PSMG2: variants seen among roughly 807,000 people sequenced by gnomAD.
PSMG2 encodes the protein CD40 ligand-activated specific transcript 3.
A neutral mutation model predicts 31.5 loss-of-function variants in PSMG2; 21 were observed. The ratio of observed to expected loss-of-function variants is 0.67; its 90% CI spans 0.47 to 0.96. PSMG2 has a LOEUF of 0.96. Ranked by LOEUF, PSMG2 falls within the 40% of genes least tolerant of loss-of-function variation. PSMG2 has a pLI of 0.00. For missense variants in PSMG2, 318 were observed against 321.2 expected, an observed-to-expected ratio of 0.99 and a Z score of 0.08; for synonymous variants, 120 against 110.4, an observed-to-expected ratio of 1.09 and a Z score of -0.54.
rs769845214 is a variant in PSMG2, at chr18:12,703,149, C to T, written c.42C>T (p.Gly14=). The change falls in exon 1 of 7, where the codon GGC becomes GGT. Residue 14 remains glycine, a synonymous_variant. Coordinates refer to ENST00000317615, the MANE Select transcript of PSMG2 (RefSeq NM_020232.5). ...PCGESAPDLA[G]FTLLMPAVSV... ...GGGAGTCGGCCCCCGACCTTGCCGG[C>T]TTCACCCTCCTAATGGTGAGTCTCC... The T allele has an allele frequency of 1.9e-6, 3 of 1,611,588 alleles. No individual in the cohort carries two copies. The highest frequency in any genetic ancestry group is 1.3e-5 in the African/African-American group (1 of 75,014).
Position 12,718,570 on chromosome 18 carries a change from C to T in PSMG2, c.342C>T (p.Gly114=). ...EKLLSWVKSS[G]CARVIVLSSS... is the part of the protein sequence containing the mutation. ...TGCTTTCCTGGGTGAAAAGCAGTGG[C>T]TGTGCCAGAGTCATTGTTCTTTCAA... is the stretch of plus-strand genomic sequence containing the variant. Residue 114 remains glycine, a synonymous_variant, in exon 4 of 7, where the codon GGC becomes GGT. Transcript: ENST00000317615. 1 of 1,612,176 alleles carries T rather than the reference C, an allele frequency of 6.2e-7. No individual in the cohort carries two copies. Among genetic ancestry groups the T allele is most frequent in the South Asian group, 1.1e-5 (1 of 90,816 alleles).
At chr18:12,691,202 T>C (rs1360290869) in intron 1 of PSMG2, 10 of 494,476 alleles carry the variant, frequency 2.0e-5, no homozygotes. Context: ...CCACTCACTA[T>C]GCAGTGAAAG....
upstream of PSMG2, chr18:12,699,133 C>G: frequency 6.2e-7 from 1 of 1,613,992 alleles, no homozygotes; most frequent in Non-Finnish European, 8.5e-7. Flanking sequence ...CAGGTTCTTG[C>G]AGATGTTCCA....
chr18:12,712,527 T>C (rs1020644013), intron 2 of PSMG2, among the ~76,000 whole-genome samples, 175 bp from the exon 3 acceptor site: 3 of 152,230 alleles, frequency 2.0e-5, no homozygotes, highest in Non-Finnish European at 2.9e-5. Flanking sequence ...ACTGGCTTAT[T>C]TTAAGGTACT....
At chr18:12,718,373 C>T in intron 3 of PSMG2, 144 bp from the exon 4 acceptor site, 1 of 452,444 alleles carries the variant, frequency 2.2e-6, no homozygotes, top group East Asian at 3.2e-5. Flanking sequence ...GGTTTAAGCA[C>T]AGTAAGTGGA....
chr18:12,696,436 G>A (rs2039960758), intron 1 of PSMG2, among the ~76,000 whole-genome samples: 1 of 152,162 alleles, frequency 6.6e-6, no homozygotes, highest in South Asian at 2.1e-4. Flanking sequence ...CCAGGAGGCG[G>A]GGGTTGCAGT....
chr18:12,674,891 T>C, intron 1 of PSMG2: 4 of 518,490 alleles, frequency 7.7e-6, no homozygotes, highest in Non-Finnish European at 1.3e-5. Context: ...TAATAATAAT[T>C]ATAGGGATAC....
At chr18:12,719,331 T>A (rs1180300680) in intron 4 of PSMG2, among the ~76,000 whole-genome samples, 1 of 152,242 alleles carries the variant, frequency 6.6e-6, no homozygotes, top group Non-Finnish European at 1.5e-5. Flanking sequence ...AAGCTATCAT[T>A]ACCACATAAA....
chr18:12,715,029 G>A, intron 3 of PSMG2, among the ~76,000 whole-genome samples: 1 of 149,832 alleles, frequency 6.7e-6, no homozygotes, highest in East Asian at 2.0e-4. Flanking sequence ...TTTTTTTGAG[G>A]CAGAGTTTTA....
intron 2 of PSMG2, among the ~76,000 whole-genome samples, chr18:12,710,668 G>A (rs1249439811): frequency 6.6e-6 from 1 of 152,110 alleles, no homozygotes; most frequent in African/African-American, 2.4e-5. Flanking sequence ...TGTGTTTTCT[G>A]TAACTGGAGT....
Position 12,725,619 on chromosome 18 carries a change from G to T in PSMG2, c.*88G>T, listed in dbSNP as rs904081890. On this transcript the variant is annotated 3_prime_UTR_variant, in exon 7 of 7. Coordinates refer to ENST00000317615, the MANE Select transcript of PSMG2 (RefSeq NM_020232.5). ...CTATACAAAAAAATTGTATGATCTG[G>T]TATTAGGAAATTACTTTCACAGTAA... 2.6e-5 allele frequency: 24 copies of T among 914,738 alleles called. No individual in the cohort carries two copies. Among genetic ancestry groups the T allele is most frequent in the African/African-American group, 3.5e-5 (2 of 57,768 alleles). 56.7% of individuals were successfully genotyped at this position (914,738 alleles called of 1,614,324 possible). A position where few individuals can be genotyped will look rare whatever the true frequency, so the allele number is the denominator to read the frequency against.
At chr18:12,720,133 T>G (rs960442159) in intron 4 of PSMG2, among the ~76,000 whole-genome samples, 2 of 152,190 alleles carry the variant, frequency 1.3e-5, no homozygotes, top group Non-Finnish European at 2.9e-5. Flanking sequence ...TGTAACTGTT[T>G]TAGATGATGT....
At chr18:12,708,037 T>G (rs990451441) in intron 2 of PSMG2, among the ~76,000 whole-genome samples, 5 of 152,066 alleles carry the variant, frequency 3.3e-5, no homozygotes, top group Non-Finnish European at 5.9e-5. Flanking sequence ...ATCCCAACAC[T>G]TTGAGAGGCT....
chr18:12,724,483 T>C lies in PSMG2; in HGVS notation c.582-16T>C, dbSNP rs199868112. ...CCCTATGAAAGAATACTGATTCTTA[T>C]TTTTATTTCTTGTAGCTGTTCTAAA... On this transcript the variant is annotated splice_polypyrimidine_tract_variant and intron_variant, in intron 5 of 6. Coordinates refer to ENST00000317615, the MANE Select transcript of PSMG2 (RefSeq NM_020232.5). The C allele has an allele frequency of 6.3e-7, 1 of 1,584,992 alleles. No individual in the cohort carries two copies. Among genetic ancestry groups the C allele is most frequent in the Non-Finnish European group, 8.6e-7 (1 of 1,168,616 alleles).
chr18:12,670,020 A>G (rs778903226), intron 1 of PSMG2, among the ~76,000 whole-genome samples: 5 of 150,996 alleles, frequency 3.3e-5, no homozygotes, highest in Non-Finnish European at 7.4e-5. Context: ...AAGAAAAAGA[A>G]AAAGAAAAAT....
chr18:12,719,082 T>C (rs986313293), intron 4 of PSMG2, among the ~76,000 whole-genome samples: 1 of 152,202 alleles, frequency 6.6e-6, no homozygotes, highest in African/African-American at 2.4e-5. Context: ...TTAAAAAACA[T>C]TTACTTTTTG....
At chr18:12,721,513 A>T (rs1297417824) in intron 5 of PSMG2, among the ~76,000 whole-genome samples, 2 of 152,202 alleles carry the variant, frequency 1.3e-5, no homozygotes, top group African/African-American at 2.4e-5. Flanking sequence ...ATACTAAATT[A>T]AAAAATCTGT....
upstream of PSMG2, chr18:12,699,006 A>G (rs761217041): frequency 2.5e-6 from 4 of 1,613,368 alleles, no homozygotes; most frequent in East Asian, 8.9e-5. Context: ...ACTTCAAGTA[A>G]AAAGCCATCA....
chr18:12,673,512 GAAA>G, intron 1 of PSMG2: 2 of 1,502,972 alleles, frequency 1.3e-6, no homozygotes, highest in Non-Finnish European at 1.8e-6. Context: ...ATCTATTTAA[GAAA>G]AAAAAAATTA....
Sources: gnomAD v4.1 joint callset for allele counts (sites outside exome capture counted in the v4.1 genomes callset) on GRCh38, gnomAD v4.1.1 for gene constraint, MANE v1.5 for transcripts, NCBI Gene and HGNC (gene_info 2026-07-23, HGNC 2026-07-21) for gene names.